PCNT: variants seen among roughly 807,000 people sequenced by gnomAD.
The protein encoded by PCNT is kendrin.
Under a neutral mutation model 380.4 loss-of-function variants are expected in PCNT, and 319 were observed. The observed-to-expected ratio is 0.84, with a 90% CI of 0.77 to 0.92. PCNT has a LOEUF of 0.92. Ranked by LOEUF, PCNT falls within the 40% of genes least tolerant of loss-of-function variation. The pLI, the probability that PCNT is intolerant of heterozygous loss-of-function variation, is 0.00. For missense variants in PCNT, 4,400 were observed against 4,255.3 expected, an observed-to-expected ratio of 1.03 and a Z score of -0.95; for synonymous variants, 1,845 against 1,735.2, an observed-to-expected ratio of 1.06 and a Z score of -1.57.
At chr21:46,396,632 C>G (rs1441163333) in intron 21 of PCNT, among the ~76,000 whole-genome samples, 1 of 152,172 alleles carries the variant, frequency 6.6e-6, no homozygotes, top group African/African-American at 2.4e-5. Flanking sequence ...TTGAAGGAGT[C>G]TCACTTTGTC....
At chr21:46,352,587 C>T (rs1000052484) in intron 9 of PCNT, among the ~76,000 whole-genome samples, 1 of 152,196 alleles carries the variant, frequency 6.6e-6, no homozygotes, top group Admixed American at 6.5e-5. Flanking sequence ...GCCATGGAGA[C>T]AAGTTCTTTT....
rs767169326 is a variant in PCNT, at chr21:46,427,722, C to T, written c.7421C>T (p.Pro2474Leu). The T allele has an allele frequency of 5.6e-6, 9 of 1,613,656 alleles. No homozygotes were observed. The Admixed American group carries it at 1.3e-4, about 24-fold the overall frequency. Residue 2474 changes from proline to leucine, a missense_variant, in exon 34 of 47, where the codon CCC (proline) becomes CTC (leucine). Coordinates refer to ENST00000359568, the MANE Select transcript of PCNT (RefSeq NM_006031.6). ...EQEMQGVELQ[P>L]RLSGSDLGGH... ...GAGATGCAGGGGGTTGAGCTGCAGC[C>T]CCGACTCAGTGGCTCAGATCTGGGG...
In PCNT at chr21:46,445,528, G is replaced by A. The variant is rs543455018; in HGVS notation, c.*201G>A. On this transcript the variant is annotated 3_prime_UTR_variant, in exon 47 of 47. Transcript: ENST00000359568. ...CTGGAGCATTTTCTATGGAGCCTCC[G>A]TATGTTTTAGGCCCATGACCTTCGT... The A allele has an allele frequency of 8.1e-5, 50 of 616,706 alleles. No homozygotes were observed. Among genetic ancestry groups the A allele is most frequent in the South Asian group, 7.0e-4 (37 of 52,552 alleles). 38.2% of individuals were successfully genotyped at this position (616,706 alleles called of 1,614,324 possible). A position where few individuals can be genotyped will look rare whatever the true frequency, so the allele number is the denominator to read the frequency against.
Position 46,346,198 on chromosome 21 carries a change from A to G in PCNT, c.710A>G (p.His237Arg), listed in dbSNP as rs148024977. Residue 237 changes from histidine (H) to arginine (R), a missense_variant, in exon 4 of 47, where the codon CAT becomes CGT. Physicochemically the swap from His to Arg is conservative, Grantham distance 29. Transcript: ENST00000359568. ...GGCCGTGAAGATGAGGCTGGCCTGC[A>G]TCAGAGTCAGGTGACCCGGCGGGGC... ...ESGREDEAGL[H>R]QSQAVHGLEL... is the part of the protein sequence containing the mutation. 4.2e-5 allele frequency: 67 copies of G among 1,612,934 alleles called. No individual in the cohort carries two copies. The highest frequency in any genetic ancestry group is 5.4e-5 in the Non-Finnish European group (64 of 1,179,346).
intron 16 of PCNT, among the ~76,000 whole-genome samples, chr21:46,382,720 G>A (rs1206878416): frequency 1.4e-5 from 2 of 145,732 alleles, no homozygotes; most frequent in East Asian, 4.2e-4. Context: ...TTCAGTGGCG[G>A]AAGCGCATTC....
At chr21:46,346,296 G>GGGGGGGGGGGGGC in intron 4 of PCNT, 88 bp downstream of exon 4, 1 of 651,858 alleles carries the variant, frequency 1.5e-6, no homozygotes, top group East Asian at 3.5e-5. Flanking sequence ...GGTGGGGTGG[G>GGGGGGGGGGGGGC]CGCTGCCATC....
intron 40 of PCNT, 51 bp downstream of exon 40, chr21:46,437,132 G>T (rs779558095): frequency 8.3e-7 from 1 of 1,207,494 alleles, no homozygotes; most frequent in Admixed American, 1.7e-5. Context: ...CCCCAGAGGG[G>T]CCCTCTCGGC....
At chr21:46,393,647 A>G (rs1267723000) in intron 21 of PCNT, among the ~76,000 whole-genome samples, 5 of 152,204 alleles carry the variant, frequency 3.3e-5, no homozygotes, top group Admixed American at 2.6e-4. Flanking sequence ...TGTGGCCTGC[A>G]TTCTGTTGAA....
chr21:46,360,684 A>C (rs1047063013), intron 13 of PCNT, among the ~76,000 whole-genome samples: 1 of 151,192 alleles, frequency 6.6e-6, no homozygotes, highest in Non-Finnish European at 1.5e-5. Flanking sequence ...ACACCCAGCT[A>C]ATTTTTTATA....
intron 15 of PCNT, among the ~76,000 whole-genome samples, chr21:46,379,349 G>C (rs999610996): frequency 6.6e-6 from 1 of 152,120 alleles, no homozygotes; most frequent in African/African-American, 2.4e-5. Context: ...TGTCTTGAGC[G>C]GCACCCATAT....
chr21:46,361,603 A>G (rs58950707), intron 13 of PCNT, among the ~76,000 whole-genome samples: 10,532 of 152,034 alleles, frequency 0.069, 883 homozygotes, highest in African/African-American at 0.2. Context: ...TTTGGAAAAC[A>G]TGTGTTTGAA....
chr21:46,414,722 CACAGCTGCCCACCCTCCTCCTCCTG>C, intron 29 of PCNT, among the ~76,000 whole-genome samples: 1 of 47,294 alleles, frequency 2.1e-5, no homozygotes, highest in Non-Finnish European at 5.3e-5. Context: ...CTCCTGGACA[CACAGCTGCCCACCCTCCTCCTCCTG>C]GACACGCAGC....
intron 2 of PCNT, among the ~76,000 whole-genome samples, chr21:46,333,939 G>A (rs1044817728): frequency 6.6e-6 from 1 of 150,380 alleles, no homozygotes; most frequent in Non-Finnish European, 1.5e-5. Context: ...AGGTGTGGTG[G>A]CTCATGCCTG....
At chr21:46,351,709 T>C (rs2084280304) in intron 9 of PCNT, among the ~76,000 whole-genome samples, 169 bp downstream of exon 9, 1 of 152,188 alleles carries the variant, frequency 6.6e-6, no homozygotes, top group East Asian at 1.9e-4. Flanking sequence ...GAGGTTTGCT[T>C]TGTGGGAGAG....
chr21:46,327,396 C>CT (rs2083428640), intron 2 of PCNT, among the ~76,000 whole-genome samples: 2 of 150,092 alleles, frequency 1.3e-5, no homozygotes, highest in Admixed American at 6.6e-5. Flanking sequence ...TTTTCTTTTT[C>CT]TTTTTTTTTC....
chr21:46,423,669 G>T, intron 32 of PCNT, among the ~76,000 whole-genome samples: 2 of 138,192 alleles, frequency 1.4e-5, no homozygotes, highest in Admixed American at 7.4e-5. Flanking sequence ...GCCTCCTGTA[G>T]CCCTTGAGGC....
At chr21:46,359,687 T>G (rs9981379) in intron 13 of PCNT, among the ~76,000 whole-genome samples, 1 of 114,568 alleles carries the variant, frequency 8.7e-6, no homozygotes, top group Non-Finnish European at 2.1e-5. Context: ...CGGGGTTTCA[T>G]TATGTTGGCC....
chr21:46,423,037 C>A (rs1157796107), intron 32 of PCNT, among the ~76,000 whole-genome samples: 1 of 152,130 alleles, frequency 6.6e-6, no homozygotes, highest in Non-Finnish European at 1.5e-5. Flanking sequence ...CGTTGGAGCC[C>A]AGGAGTTCAA....
chr21:46,424,010 G>A (rs1249743586), intron 32 of PCNT, among the ~76,000 whole-genome samples: 5 of 152,174 alleles, frequency 3.3e-5, no homozygotes, highest in African/African-American at 7.2e-5. Context: ...GTTTTAGAGT[G>A]TGGAGCCCTG....
Sources: allele counts gnomAD v4.1 joint callset (sites outside exome capture counted in the v4.1 genomes callset), GRCh38; gene constraint gnomAD v4.1.1; transcripts MANE v1.5; gene names NCBI Gene and HGNC (gene_info 2026-07-23, HGNC 2026-07-21).